Variants in WFIKKN2 observed in about 807,000 individuals in gnomAD.
The protein encoded by WFIKKN2 is WAP, Kazal, immunoglobulin, Kunitz and NTR domain-containing protein 2.
In WFIKKN2, 25 loss-of-function variants were observed where a neutral mutation model predicts 39.2. The observed-to-expected ratio is 0.64, with a 90% CI of 0.47 to 0.89. The LOEUF (loss-of-function observed/expected upper bound fraction) is 0.89, where lower values mean the gene tolerates loss of function less well. Among genes scored for constraint, WFIKKN2 ranks in the 40% least tolerant of loss-of-function variants. The pLI, the probability that WFIKKN2 is intolerant of heterozygous loss-of-function variation, is 0.00. For missense variants in WFIKKN2, 770 were observed against 811.7 expected (o/e 0.95, Z 0.62); for synonymous variants, 345 against 329.7 (o/e 1.05, Z -0.50).
Position 50,840,620 on chromosome 17 carries a change from C to T in WFIKKN2, c.1332C>T (p.Arg444=). 1 of 1,614,054 alleles carries T rather than the reference C, an allele frequency of 6.2e-7. No individual in the cohort carries two copies. The highest frequency in any genetic ancestry group is 8.5e-7 in the Non-Finnish European group (1 of 1,180,036). ...GCCCCTTCCCCAGGGGGAACCAGCG[C>T]TGTCGGGCCTGCAAGCCTCGGCAGA... ...ESCPFPRGNQ[R]CRACKPRQKL... is the part of the protein sequence containing the mutation. The change falls in exon 2 of 2, where the codon CGC becomes CGT. Residue 444 remains arginine (R), a synonymous_variant. Coordinates refer to ENST00000311378, the MANE Select transcript of WFIKKN2 (RefSeq NM_175575.6).
intron 1 of WFIKKN2, 32 bp from the exon 2 acceptor site, chr17:50,839,467 C>G (rs367814787): frequency 5.1e-6 from 8 of 1,580,606 alleles, no homozygotes; most frequent in Non-Finnish European, 6.9e-6. Context: ...CCTCCTTCTC[C>G]CTGTTCAGGC....
Position 50,835,872 on chromosome 17 carries a change from G to A in WFIKKN2, c.-66G>A, listed in dbSNP as rs1971946719. 1 of 1,528,740 alleles carries A rather than the reference G, an allele frequency of 6.5e-7. No homozygotes were observed. Among genetic ancestry groups the A allele is most frequent in the African/African-American group, 1.4e-5 (1 of 72,484 alleles). 94.7% of individuals were successfully genotyped at this position (1,528,740 alleles called of 1,614,324 possible). A position where few individuals can be genotyped will look rare whatever the true frequency, so the allele number is the denominator to read the frequency against. On this transcript the variant is annotated 5_prime_UTR_variant, in exon 1 of 2. Transcript: ENST00000311378. Reference sequence around the variant, plus strand: ...AGGTGTCTGCAGCCCCTGAGAAGAAGGCCCTGGTGGGCCCCAGACCCTGGC... The same window carrying A: ...AGGTGTCTGCAGCCCCTGAGAAGAAAGCCCTGGTGGGCCCCAGACCCTGGC...
upstream of WFIKKN2, chr17:50,835,555 T>G: frequency 9.1e-6 from 2 of 219,588 alleles, no homozygotes; most frequent in African/African-American, 2.3e-5. Context: ...TTTCCCCCCT[T>G]CTGCAATAAG....
rs565240058 is a variant in WFIKKN2, at chr17:50,841,602, C to G, written c.*583C>G. ...TGAATGGAAGCTGCTGAAACGGGTG[C>G]CTTTGGGTGGTGGTCGGCTTGCCTC... On this transcript the variant is annotated 3_prime_UTR_variant, in exon 2 of 2. Coordinates refer to ENST00000311378, the MANE Select transcript of WFIKKN2 (RefSeq NM_175575.6). 3 of 152,394 alleles carry G rather than the reference C, an allele frequency of 2.0e-5. No homozygotes were observed. The highest frequency in any genetic ancestry group is 4.1e-4 in the South Asian group (2 of 4,826). The allele number at this position is 152,394 out of a possible 1,614,324, so 9.4% of individuals were successfully genotyped here. A position where few individuals can be genotyped will look rare whatever the true frequency, so the allele number is the denominator to read the frequency against.
chr17:50,840,635 G>A lies in WFIKKN2; in HGVS notation c.1347G>A (p.Lys449=), dbSNP rs1972031664. The change falls in exon 2 of 2, where the codon AAG becomes AAA. Residue 449 remains lysine, a synonymous_variant. Transcript: ENST00000311378. ...PRGNQRCRAC[K]PRQKLVTSFC... is the part of the protein sequence containing the mutation. Reference sequence around the variant, plus strand: ...GGAACCAGCGCTGTCGGGCCTGCAAGCCTCGGCAGAAGCTCGTTACCAGCT... The same window carrying A: ...GGAACCAGCGCTGTCGGGCCTGCAAACCTCGGCAGAAGCTCGTTACCAGCT... 5.0e-6 allele frequency: 8 copies of A among 1,614,020 alleles called. No individual in the cohort carries two copies. The Admixed American group carries it at 1.2e-4, about 24-fold the overall frequency.
chr17:50,837,377 G>A lies in WFIKKN2; in HGVS notation c.210+1230G>A, dbSNP rs115660422. Among the ~76,000 whole-genome samples, 781 of 152,262 alleles carry A rather than the reference G, an allele frequency of 5.1e-3. 5 individuals are homozygous for A. Among genetic ancestry groups the A allele is most frequent in the African/African-American group, 0.014 (590 of 41,552 alleles). On this transcript the variant is annotated intron_variant, in intron 1 of 1. Transcript: ENST00000311378. Reference sequence around the variant, plus strand: ...GGAGACCACGTTTCAGCCTCCCAGCGTCCTTGGTCCTGCCTTCTGCTCTGT... The same window carrying A: ...GGAGACCACGTTTCAGCCTCCCAGCATCCTTGGTCCTGCCTTCTGCTCTGT...
Position 50,840,883 on chromosome 17 carries a change from A to G in WFIKKN2, c.1595A>G (p.Glu532Gly). The G allele has an allele frequency of 6.2e-7, 1 of 1,609,330 alleles. No individual in the cohort carries two copies. ...GAGATGCCGCTCATCATCATGGGGG[A>G]GGTGGACGGCGGCATGGCCATGCTG... The part of the protein sequence containing the change: ...VSEMPLIIMG[E>G]VDGGMAMLRP... Residue 532 changes from glutamate to glycine, a missense_variant, in exon 2 of 2, where the codon GAG (glutamate) becomes GGG (glycine). Glu to Gly is a moderately conservative substitution (Grantham distance 98, BLOSUM62 -2). Transcript: ENST00000311378.
rs769984960 is a variant in WFIKKN2 at position 50,835,952 on chromosome 17, G to A, written c.15G>A (p.Arg5=). The A allele has an allele frequency of 6.2e-7, 1 of 1,611,066 alleles. No individual in the cohort carries two copies. The highest frequency in any genetic ancestry group is 2.2e-5 in the East Asian group (1 of 44,812). ...CAGCCTGCACCATGTGGGCCCCAAG[G>A]TGTCGCCGGTTCTGGTCTCGCTGGG... MWAP[R]CRRFWSRWEQ... The change falls in exon 1 of 2, where the codon AGG becomes AGA. Residue 5 remains arginine (R), a synonymous_variant. Coordinates refer to ENST00000311378, the MANE Select transcript of WFIKKN2 (RefSeq NM_175575.6).
chr17:50,840,550 G>A lies in WFIKKN2; in HGVS notation c.1262G>A (p.Gly421Asp). ...TCCTTTGTCTATGGTGGCTGCGAGGGCAATGGCAACAACTTTGAGAGCCGT... is the reference window on the plus strand; with the variant it reads ...TCCTTTGTCTATGGTGGCTGCGAGGACAATGGCAACAACTTTGAGAGCCGT... ...CQSFVYGGCE[G>D]NGNNFESREA... Residue 421 changes from glycine (G) to aspartate (D), a missense_variant, in exon 2 of 2, where the codon GGC becomes GAC. Gly to Asp is a moderately conservative substitution (Grantham distance 94). Coordinates refer to ENST00000311378, the MANE Select transcript of WFIKKN2 (RefSeq NM_175575.6). The A allele has an allele frequency of 3.1e-6, 5 of 1,614,048 alleles. No individual in the cohort carries two copies. The highest frequency in any genetic ancestry group is 4.2e-6 in the Non-Finnish European group (5 of 1,180,020).
chr17:50,837,740 C>G (rs776951165), intron 1 of WFIKKN2, among the ~76,000 whole-genome samples: 1 of 152,236 alleles, frequency 6.6e-6, no homozygotes, highest in Non-Finnish European at 1.5e-5. Context: ...GACAGATGCT[C>G]CCCTTGGGCA....
At chr17:50,835,026 A>G (rs1409037683), upstream of WFIKKN2, 1 of 152,242 alleles carries the variant, frequency 6.6e-6, no homozygotes. Context: ...GGGCCAGAGC[A>G]TATCTGGTAT....
upstream of WFIKKN2, chr17:50,834,665 C>T (rs1222373360): frequency 1.3e-5 from 2 of 152,246 alleles, no homozygotes; most frequent in African/African-American, 4.8e-5. Context: ...TCCTTTCCTC[C>T]GATCTGAAAT....
In WFIKKN2 at chr17:50,840,768, A is replaced by G. The variant is rs768228243; in HGVS notation, c.1480A>G (p.Met494Val). 2.5e-6 allele frequency: 4 copies of G among 1,614,062 alleles called. No individual in the cohort carries two copies. The East Asian group carries it at 8.9e-5, about 36-fold the overall frequency. The change falls in exon 2 of 2, where the codon ATG (methionine) becomes GTG (valine). Residue 494 changes from methionine (M) to valine (V), a missense_variant. By Grantham distance (21) the Met-to-Val change is conservative. Coordinates refer to ENST00000311378, the MANE Select transcript of WFIKKN2 (RefSeq NM_175575.6). ...GGATGAGGTCCTAAAGGATGAGAAA[A>G]TGGGCCTCAAGTTCCTGGGCCAGGA... ...TVDEVLKDEK[M>V]GLKFLGQEPL... is the part of the protein sequence containing the mutation.
rs143687677 is a variant in WFIKKN2, at chr17:50,840,171, G to T, written c.883G>T (p.Val295Phe). ...CTGCACGGCCCGGAACGTGGCTGGGGTCCTGAGGGCTGATTTCCCGCTGTC... is the reference window on the plus strand; with the variant it reads ...CTGCACGGCCCGGAACGTGGCTGGGTTCCTGAGGGCTGATTTCCCGCTGTC... ...YTCTARNVAG[V>F]LRADFPLSVV... Residue 295 changes from valine (V) to phenylalanine (F), a missense_variant, in exon 2 of 2, where the codon GTC becomes TTC. Val to Phe is a conservative substitution (Grantham distance 50). Transcript: ENST00000311378. 1 of 1,613,980 alleles carries T rather than the reference G, an allele frequency of 6.2e-7. No individual in the cohort carries two copies. Among genetic ancestry groups the T allele is most frequent in the Non-Finnish European group, 8.5e-7 (1 of 1,180,044 alleles).
rs150663986 is a variant in WFIKKN2 at position 50,840,651 on chromosome 17, G to A, written c.1363G>A (p.Val455Ile). 3,535 of 1,613,982 alleles carry A rather than the reference G, an allele frequency of 2.2e-3. 6 individuals are homozygous for A. The highest frequency in any genetic ancestry group is 2.4e-3 in the Non-Finnish European group (2,799 of 1,180,010). The part of the protein sequence containing the change: ...CRACKPRQKL[V>I]TSFCRSDFVI... The stretch of plus-strand genomic sequence containing the variant: ...GGCCTGCAAGCCTCGGCAGAAGCTC[G>A]TTACCAGCTTCTGTCGCAGCGACTT... Residue 455 changes from valine (V) to isoleucine (I), a missense_variant, in exon 2 of 2, where the codon GTT becomes ATT. Coordinates refer to ENST00000311378, the MANE Select transcript of WFIKKN2 (RefSeq NM_175575.6).
rs1288841501 is a variant in WFIKKN2, at chr17:50,840,985, G to A, written c.1697G>A (p.Cys566Tyr). The A allele has an allele frequency of 6.4e-7, 1 of 1,551,042 alleles. No individual in the cohort carries two copies. The highest frequency in any genetic ancestry group is 1.9e-5 in the Admixed American group (1 of 52,980). The change falls in exon 2 of 2, where the codon TGT becomes TAT. Residue 566 changes from cysteine to tyrosine, a missense_variant. Coordinates refer to ENST00000311378, the MANE Select transcript of WFIKKN2 (RefSeq NM_175575.6). Reference sequence around the variant, plus strand: ...CGTGAGGTCATGCACAAGAAGACCTGTGACGTCCTCAAGGAGTTTCTTGGC... The same window carrying A: ...CGTGAGGTCATGCACAAGAAGACCTATGACGTCCTCAAGGAGTTTCTTGGC... ...KLREVMHKKTCDVLKEFLGLH is the reference protein window; with the variant it reads ...KLREVMHKKTYDVLKEFLGLH
At chr17:50,836,432 G>A (rs1971959690) in intron 1 of WFIKKN2, among the ~76,000 whole-genome samples, 1 of 152,020 alleles carries the variant, frequency 6.6e-6, no homozygotes, top group South Asian at 2.1e-4. Flanking sequence ...GTGGGAGTGT[G>A]AGGTTGACCA....
Position 50,841,043 on chromosome 17 carries a change from C to G in WFIKKN2, c.*24C>G, listed in dbSNP as rs745682201. ...GAAGCCCCCCACCCCTCCCTGCCCCCTCCCTGGCCTTCTTCCACCTATCCA... is the reference window on the plus strand; with the variant it reads ...GAAGCCCCCCACCCCTCCCTGCCCCGTCCCTGGCCTTCTTCCACCTATCCA... On this transcript the variant is annotated 3_prime_UTR_variant, in exon 2 of 2. Transcript: ENST00000311378. The G allele has an allele frequency of 6.6e-6, 10 of 1,512,684 alleles. No individual in the cohort carries two copies. The South Asian group carries it at 1.1e-4, about 16-fold the overall frequency. 93.7% of individuals were successfully genotyped at this position (1,512,684 alleles called of 1,614,324 possible). A position where few individuals can be genotyped will look rare whatever the true frequency, so the allele number is the denominator to read the frequency against.
rs1403875790 is a variant in WFIKKN2 at position 50,835,994 on chromosome 17, G to A, written c.57G>A (p.Leu19=). 3 of 1,604,170 alleles carry A rather than the reference G, an allele frequency of 1.9e-6. No homozygotes were observed. The highest frequency in any genetic ancestry group is 2.2e-5 in the East Asian group (1 of 44,502). The change falls in exon 1 of 2, where the codon CTG becomes CTA. Residue 19 remains leucine (L), a synonymous_variant. Transcript: ENST00000311378. Reference sequence around the variant, plus strand: ...CTCGCTGGGAGCAGGTGGCAGCGCTGCTGCTGCTGCTGCTACTGCTCGGGG... The same window carrying A: ...CTCGCTGGGAGCAGGTGGCAGCGCTACTGCTGCTGCTGCTACTGCTCGGGG... ...FWSRWEQVAA[L]LLLLLLLGVP...
Sources: gnomAD v4.1 joint callset for allele counts (sites outside exome capture counted in the v4.1 genomes callset) on GRCh38, gnomAD v4.1.1 for gene constraint, MANE v1.5 for transcripts, NCBI Gene and HGNC (gene_info 2026-07-23, HGNC 2026-07-21) for gene names.